ZBTB7C: variants seen among roughly 807,000 people sequenced by gnomAD.
ZBTB7C encodes the protein zinc finger and BTB domain-containing protein 7C.
Under a neutral mutation model 25.7 loss-of-function variants are expected in ZBTB7C, and 8 were observed. The observed-to-expected ratio is 0.31, with a 90% CI of 0.18 to 0.56. The LOEUF is 0.56. Ranked by LOEUF, ZBTB7C falls within the 20% of genes least tolerant of loss-of-function variation. ZBTB7C has a pLI of 0.91. For missense variants in ZBTB7C, 824 were observed against 855.2 expected (o/e 0.96, Z 0.46); for synonymous variants, 394 against 369.0 (o/e 1.07, Z -0.78).
chr18:48,136,899 G>A (rs2040186494), intron 3 of ZBTB7C: 1 of 918,874 alleles, frequency 1.1e-6, no homozygotes, highest in South Asian at 5.0e-5. Context: ...CGCTCTCCCG[G>A]CCGCCCGGAA....
At chr18:48,095,890 A>G (rs752015789) in intron 3 of ZBTB7C, among the ~76,000 whole-genome samples, 8 of 152,096 alleles carry the variant, frequency 5.3e-5, no homozygotes, top group Non-Finnish European at 1.0e-4. Context: ...TTGTGAACTG[A>G]TAAACAGCTG....
chr18:48,072,580 G>A (rs62086128), intron 3 of ZBTB7C: 22,255 of 152,216 alleles, frequency 0.15, 1,687 homozygotes, highest in South Asian at 0.2. Context: ...GTGTCTCCCC[G>A]GGGCGCTTGC....
At chr18:48,230,978 A>AC in intron 2 of ZBTB7C, among the ~76,000 whole-genome samples, 1 of 152,262 alleles carries the variant, frequency 6.6e-6, no homozygotes, top group East Asian at 1.9e-4. Flanking sequence ...GAACTGACAC[A>AC]CCAGACCCCT....
intron 2 of ZBTB7C, among the ~76,000 whole-genome samples, chr18:48,332,672 G>A (rs1439675548): frequency 1.2e-5 from 1 of 84,736 alleles, no homozygotes; most frequent in Non-Finnish European, 2.3e-5. Flanking sequence ...CCTCTCCTTT[G>A]CTTTTTTTTT....
At chr18:48,256,099 T>C (rs915075380) in intron 2 of ZBTB7C, among the ~76,000 whole-genome samples, 3 of 152,030 alleles carry the variant, frequency 2.0e-5, no homozygotes, top group Non-Finnish European at 2.9e-5. Flanking sequence ...TTTGAAAAGA[T>C]AATAGCCAAA....
chr18:48,400,251 T>C (rs1211691011), intron 1 of ZBTB7C, among the ~76,000 whole-genome samples: 1 of 152,218 alleles, frequency 6.6e-6, no homozygotes, highest in African/African-American at 2.4e-5. Context: ...CCAGTGGTCC[T>C]CTCTGTTCCC....
chr18:48,386,487 C>T (rs966890435), intron 1 of ZBTB7C, among the ~76,000 whole-genome samples: 4 of 152,164 alleles, frequency 2.6e-5, no homozygotes, highest in African/African-American at 9.7e-5. Flanking sequence ...GAGATGAATG[C>T]CATCTAAGCT....
intron 3 of ZBTB7C, among the ~76,000 whole-genome samples, chr18:48,126,274 G>T (rs755724249): frequency 1.3e-5 from 2 of 152,166 alleles, no homozygotes; most frequent in African/African-American, 2.4e-5. Flanking sequence ...CCAGGATTTT[G>T]TCATAGACAG....
At chr18:48,045,667 AC>A (rs2036440011) in intron 3 of ZBTB7C, among the ~76,000 whole-genome samples, 1 of 152,060 alleles carries the variant, frequency 6.6e-6, no homozygotes, top group South Asian at 2.1e-4. Flanking sequence ...CACTTAGACA[AC>A]CCTTTCCCCA....
At chr18:48,409,982 C>A (rs187564252), upstream of ZBTB7C, among the ~76,000 whole-genome samples, 7 of 116,808 alleles carry the variant, frequency 6.0e-5, no homozygotes, top group African/African-American at 3.8e-4. Flanking sequence ...CCCGGGGCAG[C>A]GGTGCGGCAG....
chr18:48,227,382 G>T (rs1177782507), intron 2 of ZBTB7C, among the ~76,000 whole-genome samples: 1 of 152,208 alleles, frequency 6.6e-6, no homozygotes, highest in African/African-American at 2.4e-5. Context: ...ACATTTCTGG[G>T]GGTTTGTGGC....
chr18:48,288,937 C>T (rs1274791642), intron 2 of ZBTB7C, among the ~76,000 whole-genome samples: 1 of 152,128 alleles, frequency 6.6e-6, no homozygotes, highest in Non-Finnish European at 1.5e-5. Flanking sequence ...TTATTATACA[C>T]CTGCAAAAAC....
intron 1 of ZBTB7C, among the ~76,000 whole-genome samples, chr18:48,344,099 C>T (rs1391101761): frequency 6.6e-6 from 1 of 152,200 alleles, no homozygotes; most frequent in Admixed American, 6.5e-5. Context: ...ATTCTCCTGC[C>T]TCGGCCTTCC....
Position 48,166,878 on chromosome 18 carries a change from G to A in ZBTB7C, c.-17+19056C>T, listed in dbSNP as rs78746415. Among the ~76,000 whole-genome samples, 587 of 152,248 alleles carry A rather than the reference G, an allele frequency of 3.9e-3. 2 individuals carry two copies. Among genetic ancestry groups the A allele is most frequent in the African/African-American group, 0.014 (562 of 41,534 alleles). On this transcript the variant is annotated intron_variant, in intron 3 of 4. Coordinates refer to ENST00000590800, the MANE Select transcript of ZBTB7C (RefSeq NM_001318841.2). Reference sequence around the variant, plus strand: ...ACCTCCTAAGCTAGAAGGTGGCTCAGTTGTGTTGTCCTTACTGGCGGGGGG... The same window carrying A: ...ACCTCCTAAGCTAGAAGGTGGCTCAATTGTGTTGTCCTTACTGGCGGGGGG...
At chr18:48,369,648 C>G (rs994779511) in intron 1 of ZBTB7C, among the ~76,000 whole-genome samples, 12 of 152,032 alleles carry the variant, frequency 7.9e-5, no homozygotes. Context: ...TTACCAGAGA[C>G]AGAGAGGGAT....
At chr18:48,109,639 G>A (rs1349491388) in intron 3 of ZBTB7C, among the ~76,000 whole-genome samples, 1 of 152,134 alleles carries the variant, frequency 6.6e-6, no homozygotes, top group African/African-American at 2.4e-5. Context: ...TGCATGCGTG[G>A]TAAGACAAGG....
chr18:48,211,978 T>C (rs1001391987), intron 2 of ZBTB7C, among the ~76,000 whole-genome samples: 1 of 152,184 alleles, frequency 6.6e-6, no homozygotes, highest in Non-Finnish European at 1.5e-5. Flanking sequence ...TAAACCATGG[T>C]ACATAGAGAC....
At chr18:48,320,234 C>T (rs1460442567) in intron 2 of ZBTB7C, among the ~76,000 whole-genome samples, 2 of 152,060 alleles carry the variant, frequency 1.3e-5, no homozygotes, top group South Asian at 2.1e-4. Flanking sequence ...GGCAAGAATG[C>T]GCTAGCACAG....
intron 1 of ZBTB7C, among the ~76,000 whole-genome samples, chr18:48,362,305 G>C (rs147582306): frequency 6.6e-6 from 1 of 152,194 alleles, no homozygotes; most frequent in Admixed American, 6.5e-5. Flanking sequence ...TGGTCTGAAC[G>C]TTTGTGTCTG....
Sources: gnomAD v4.1 joint callset for allele counts (sites outside exome capture counted in the v4.1 genomes callset) on GRCh38, gnomAD v4.1.1 for gene constraint, MANE v1.5 for transcripts, NCBI Gene and HGNC (gene_info 2026-07-23, HGNC 2026-07-21) for gene names.